The following TMEM45B variants were observed in gnomAD, a reference collection of about 807,000 sequenced individuals.
TMEM45B encodes the protein transmembrane protein 45B.
A neutral mutation model predicts 27.3 loss-of-function variants in TMEM45B; 29 were observed. The ratio of observed to expected loss-of-function variants is 1.06; its 90% CI spans 0.79 to 1.45. TMEM45B has a LOEUF of 1.45. Among genes scored for constraint, TMEM45B ranks in the 40% most tolerant of loss-of-function variants. The probability of loss-of-function intolerance (pLI) is 0.00; values close to 1 mark genes in which losing one functional copy is unlikely to be tolerated. For missense variants in TMEM45B, 348 were observed against 343.9 expected (o/e 1.01, Z -0.09); for synonymous variants, 143 against 134.7 (o/e 1.06, Z -0.43).
intron 1 of TMEM45B, among the ~76,000 whole-genome samples, chr11:129,841,075 GCATT>G (rs1018947753): frequency 6.6e-6 from 1 of 151,370 alleles, no homozygotes; most frequent in Admixed American, 6.6e-5. Context: ...AAATTGAGCA[GCATT>G]TATTCTTGAA....
At chr11:129,851,793 GTGA>G (rs1248242929) in intron 1 of TMEM45B, among the ~76,000 whole-genome samples, 7 of 152,178 alleles carry the variant, frequency 4.6e-5, no homozygotes, top group Admixed American at 4.6e-4. Context: ...TTGGAATAAG[GTGA>G]TGTTTACATC....
chr11:129,857,632 G>A (rs1715015375), intron 5 of TMEM45B, among the ~76,000 whole-genome samples, 174 bp downstream of exon 5: 1 of 152,162 alleles, frequency 6.6e-6, no homozygotes, highest in South Asian at 2.1e-4. Context: ...GCTTTTCAAA[G>A]TTTAATGACC....
At chr11:129,825,686 G>C (rs914070339) in intron 1 of TMEM45B, among the ~76,000 whole-genome samples, 9 of 152,156 alleles carry the variant, frequency 5.9e-5, no homozygotes, top group Admixed American at 1.3e-4. Context: ...GCCTCTGCCT[G>C]CTCACTAATG....
At chr11:129,842,999 G>A (rs552013515) in intron 1 of TMEM45B, among the ~76,000 whole-genome samples, 1 of 152,350 alleles carries the variant, frequency 6.6e-6, no homozygotes, top group South Asian at 2.1e-4. Flanking sequence ...GAGTGCAGTG[G>A]TGCAATCTCG....
intron 1 of TMEM45B, among the ~76,000 whole-genome samples, chr11:129,832,408 A>G (rs1014081922): frequency 1.3e-5 from 2 of 152,178 alleles, no homozygotes; most frequent in African/African-American, 4.8e-5. Flanking sequence ...GATACATGCT[A>G]TACCATGGAT....
At chr11:129,849,574 C>T (rs1366820732) in intron 1 of TMEM45B, among the ~76,000 whole-genome samples, 3 of 152,168 alleles carry the variant, frequency 2.0e-5, no homozygotes, top group Admixed American at 6.5e-5. Context: ...TCCTTTCCAT[C>T]GAGGTGGAGG....
intron 1 of TMEM45B, among the ~76,000 whole-genome samples, chr11:129,847,936 G>C (rs1200953062): frequency 2.0e-5 from 3 of 152,256 alleles, no homozygotes; most frequent in Non-Finnish European, 2.9e-5. Context: ...GCCGGGCAGA[G>C]GGGCTCCTCA....
At position 129,852,543 on chromosome 11, in the gene TMEM45B, T is replaced by C; in HGVS notation, c.61T>C (p.Trp21Arg). Residue 21 changes from tryptophan to arginine, a missense_variant, in exon 2 of 6, where the codon TGG becomes CGG. By Grantham distance (101) the Trp-to-Arg change is moderately radical. Coordinates refer to ENST00000281441, the MANE Select transcript of TMEM45B (RefSeq NM_138788.5). Reference sequence around the variant, plus strand: ...TTTCTTCCTGATCATTGGGCTGTGTTGGTCAGTGAAGTACCCGCTGAAGTA... The same window carrying C: ...TTTCTTCCTGATCATTGGGCTGTGTCGGTCAGTGAAGTACCCGCTGAAGTA... ...GSFFLIIGLC[W>R]SVKYPLKYFS... The C allele has an allele frequency of 6.2e-7, 1 of 1,613,762 alleles. No individual in the cohort carries two copies. The highest frequency in any genetic ancestry group is 1.1e-5 in the South Asian group (1 of 91,064).
chr11:129,837,585 C>CTTATTTTTTTTTTTTT (rs1947636930), intron 1 of TMEM45B, among the ~76,000 whole-genome samples: 1 of 80,294 alleles, frequency 1.2e-5, no homozygotes, highest in Non-Finnish European at 2.5e-5. Context: ...CTGCACTGGG[C>CTTATTTTTTTTTTTTT]TTTTTTTTTT....
intron 1 of TMEM45B, among the ~76,000 whole-genome samples, chr11:129,849,870 G>T (rs984418213): frequency 1.3e-5 from 2 of 152,180 alleles, no homozygotes; most frequent in Non-Finnish European, 2.9e-5. Context: ...TAATGAGCAA[G>T]GCAGCCCCAA....
chr11:129,839,216 T>G (rs533625665), intron 1 of TMEM45B, among the ~76,000 whole-genome samples: 28 of 152,146 alleles, frequency 1.8e-4, no homozygotes, highest in Admixed American at 3.9e-4. Flanking sequence ...CCAGTCTTCT[T>G]GGTGGCCAGC....
At chr11:129,852,384 CA>C in intron 1 of TMEM45B, 90 bp from the exon 2 acceptor site, 1 of 1,148,596 alleles carries the variant, frequency 8.7e-7, no homozygotes, top group Non-Finnish European at 1.2e-6. Flanking sequence ...TTATGATTTG[CA>C]ATCTCAGGCA....
At chr11:129,855,646 G>A (rs1016748687) in intron 3 of TMEM45B, 62 bp from the exon 4 acceptor site, 4 of 1,585,578 alleles carry the variant, frequency 2.5e-6, no homozygotes, top group South Asian at 2.2e-5. Flanking sequence ...GGTGTAGGAG[G>A]AAACTTCGGT....
At chr11:129,849,503 GCT>G (rs957827700) in intron 1 of TMEM45B, among the ~76,000 whole-genome samples, 3 of 152,190 alleles carry the variant, frequency 2.0e-5, no homozygotes, top group Admixed American at 2.0e-4. Flanking sequence ...CCTACTGGGG[GCT>G]CTCTGCAGTG....
At chr11:129,828,349 C>A (rs1474452467) in intron 1 of TMEM45B, 2 of 152,234 alleles carry the variant, frequency 1.3e-5, no homozygotes, top group African/African-American at 4.8e-5. Context: ...CTCCTTCTGA[C>A]CGTGCTGTTC....
intron 1 of TMEM45B, among the ~76,000 whole-genome samples, chr11:129,828,419 G>A (rs149820602): frequency 0.01 from 1,527 of 152,222 alleles, 31 homozygotes; most frequent in African/African-American, 0.035. Context: ...TTCTAAAGAC[G>A]GGGATAGACT....
chr11:129,822,281 T>G (rs1189957080), intron 1 of TMEM45B, among the ~76,000 whole-genome samples: 7 of 152,172 alleles, frequency 4.6e-5, no homozygotes, highest in Non-Finnish European at 1.0e-4. Context: ...TTTTCTACAT[T>G]TTAGAAGTTT....
At chr11:129,821,843 T>C (rs977797318) in intron 1 of TMEM45B, among the ~76,000 whole-genome samples, 4 of 152,058 alleles carry the variant, frequency 2.6e-5, no homozygotes, top group Non-Finnish European at 5.9e-5. Context: ...TTATTTAATG[T>C]TGGGGTGGGT....
chr11:129,820,913 G>C (rs1009455239), intron 1 of TMEM45B, among the ~76,000 whole-genome samples: 25 of 151,938 alleles, frequency 1.6e-4, no homozygotes, highest in African/African-American at 6.0e-4. Flanking sequence ...ATGCAGATAC[G>C]GGCCATTTCT....
Sources: allele counts gnomAD v4.1 joint callset (sites outside exome capture counted in the v4.1 genomes callset), GRCh38; gene constraint gnomAD v4.1.1; transcripts MANE v1.5; gene names NCBI Gene and HGNC (gene_info 2026-07-23, HGNC 2026-07-21).